DCC: variants seen among roughly 807,000 people sequenced by gnomAD.
The protein encoded by DCC is DCC netrin 1 receptor, also known as netrin receptor DCC.
A neutral mutation model predicts 172.5 loss-of-function variants in DCC; 58 were observed. That is an observed-to-expected ratio of 0.34 (90% CI 0.27 to 0.42). The LOEUF (loss-of-function observed/expected upper bound fraction) is 0.42, where lower values mean the gene tolerates loss of function less well. Ranked by LOEUF, DCC falls within the 10% of genes least tolerant of loss-of-function variation. DCC has a pLI of 1.00. For synonymous variants in DCC, 709 were observed against 644.5 expected (o/e 1.10, Z -1.52); for missense variants, 1,740 against 1,791.0 (o/e 0.97, Z 0.51).
At chr18:52,630,715 T>G (rs184400405) in intron 1 of DCC, among the ~76,000 whole-genome samples, 15 of 152,142 alleles carry the variant, frequency 9.9e-5, no homozygotes, top group Admixed American at 9.8e-4. Flanking sequence ...TCTTATCATA[T>G]CTCTAGAAAG....
intron 1 of DCC, among the ~76,000 whole-genome samples, chr18:52,544,182 G>T (rs1000585038): frequency 6.6e-6 from 1 of 152,166 alleles, no homozygotes; most frequent in Non-Finnish European, 1.5e-5. Flanking sequence ...TCATGAATGT[G>T]AATTGAACGA....
intron 18 of DCC, among the ~76,000 whole-genome samples, chr18:53,401,304 T>C (rs1034174722): frequency 1.3e-5 from 2 of 152,302 alleles, no homozygotes; most frequent in Middle Eastern, 3.4e-3. Flanking sequence ...CCCCCTCCTC[T>C]TCTAATTCTC....
At chr18:53,490,605 G>A (rs2045950364) in intron 26 of DCC, among the ~76,000 whole-genome samples, 2 of 152,172 alleles carry the variant, frequency 1.3e-5, no homozygotes, top group Non-Finnish European at 2.9e-5. Context: ...ACTCTGAATT[G>A]CAGAGCAGGG....
chr18:53,330,046 T>C (rs1053665389), intron 14 of DCC, among the ~76,000 whole-genome samples: 4 of 152,192 alleles, frequency 2.6e-5, no homozygotes, highest in Non-Finnish European at 5.9e-5. Context: ...TAGTTGACAG[T>C]GGTTGATTCT....
intron 1 of DCC, among the ~76,000 whole-genome samples, chr18:52,561,751 CA>C (rs1476140230): frequency 2.0e-5 from 3 of 152,072 alleles, no homozygotes; most frequent in African/African-American, 7.2e-5. Flanking sequence ...GTGGGTTTTA[CA>C]TTAAATGAGA....
At chr18:53,150,861 A>T (rs1294525697) in intron 7 of DCC, among the ~76,000 whole-genome samples, 1 of 152,216 alleles carries the variant, frequency 6.6e-6, no homozygotes, top group Non-Finnish European at 1.5e-5. Flanking sequence ...CCTGAAACCT[A>T]GCTCCGCACT....
intron 1 of DCC, among the ~76,000 whole-genome samples, chr18:52,692,520 T>A (rs532478827): frequency 6.6e-6 from 1 of 152,114 alleles, no homozygotes; most frequent in African/African-American, 2.4e-5. Context: ...CTCACTGCAA[T>A]CTCTGTCTCC....
intron 1 of DCC, among the ~76,000 whole-genome samples, chr18:52,456,228 T>C (rs1209359052): frequency 1.3e-5 from 2 of 152,336 alleles, no homozygotes; most frequent in East Asian, 1.9e-4. Flanking sequence ...CTTATCCTTA[T>C]GAATCAAGTT....
intron 1 of DCC, among the ~76,000 whole-genome samples, chr18:52,547,968 A>G (rs1466687087): frequency 2.0e-5 from 3 of 152,142 alleles, no homozygotes; most frequent in Non-Finnish European, 4.4e-5. Flanking sequence ...CCTTAATTAC[A>G]AAACAGGCAG....
At chr18:53,497,533 A>G (rs2046039435) in intron 26 of DCC, among the ~76,000 whole-genome samples, 2 of 152,214 alleles carry the variant, frequency 1.3e-5, no homozygotes, top group Non-Finnish European at 2.9e-5. Flanking sequence ...TTGGCTAAAA[A>G]TTGACCATCG....
chr18:53,462,992 G>A (rs546244084), intron 24 of DCC, among the ~76,000 whole-genome samples: 3 of 152,338 alleles, frequency 2.0e-5, no homozygotes, highest in South Asian at 2.1e-4. Flanking sequence ...AGATAGACTC[G>A]GGGTAGAACA....
chr18:52,414,977 A>G (rs1490017121), intron 1 of DCC, among the ~76,000 whole-genome samples: 1 of 152,226 alleles, frequency 6.6e-6, no homozygotes, highest in Admixed American at 6.5e-5. Context: ...TTACAAATGC[A>G]GTTTCAGAAG....
At chr18:53,350,073 C>G (rs2057771820) in intron 15 of DCC, among the ~76,000 whole-genome samples, 1 of 151,754 alleles carries the variant, frequency 6.6e-6, no homozygotes, top group Non-Finnish European at 1.5e-5. Context: ...TCATGAGAAT[C>G]AGAAAAAAAA....
chr18:53,340,005 T>A, intron 15 of DCC, 98 bp downstream of exon 15: 1 of 1,044,824 alleles, frequency 9.6e-7, no homozygotes, highest in Non-Finnish European at 1.4e-6. Flanking sequence ...TATGATGGTT[T>A]CAACTTACAG....
intron 26 of DCC, among the ~76,000 whole-genome samples, chr18:53,498,561 G>GGA (rs35913009): frequency 4.3e-5 from 6 of 139,796 alleles, no homozygotes; most frequent in East Asian, 2.1e-4. Flanking sequence ...GTGTTCTCTG[G>GGA]AAAAAAAAAA....
intron 7 of DCC, among the ~76,000 whole-genome samples, chr18:53,094,874 G>A (rs905883627): frequency 2.0e-5 from 3 of 152,006 alleles, no homozygotes; most frequent in Admixed American, 6.5e-5. Flanking sequence ...ATATTTGGAT[G>A]TGCTTAACTG....
At chr18:52,501,137 T>C (rs1445962559) in intron 1 of DCC, among the ~76,000 whole-genome samples, 3 of 152,126 alleles carry the variant, frequency 2.0e-5, no homozygotes, top group African/African-American at 7.2e-5. Flanking sequence ...ACGTTGGTAA[T>C]TTTATATTAG....
intron 1 of DCC, among the ~76,000 whole-genome samples, chr18:52,683,555 C>G (rs944285910): frequency 2.2e-4 from 34 of 152,166 alleles, no homozygotes; most frequent in African/African-American, 7.9e-4. Context: ...TTAACAATAT[C>G]TAAACCATGG....
At chr18:53,464,539 T>A (rs2045595615) in intron 24 of DCC, among the ~76,000 whole-genome samples, 1 of 152,048 alleles carries the variant, frequency 6.6e-6, no homozygotes, top group South Asian at 2.1e-4. Context: ...TACCAAAAAA[T>A]TTTATGCTTC....
Sources: allele counts gnomAD v4.1 joint callset (sites outside exome capture counted in the v4.1 genomes callset), GRCh38; gene constraint gnomAD v4.1.1; transcripts MANE v1.5; gene names NCBI Gene and HGNC (gene_info 2026-07-23, HGNC 2026-07-21).